REV3L: variants seen among roughly 807,000 people sequenced by gnomAD.
REV3L encodes the protein DNA polymerase zeta catalytic subunit.
A neutral mutation model predicts 299.4 loss-of-function variants in REV3L; 69 were observed. That is an observed-to-expected ratio of 0.23 (90% confidence interval 0.19 to 0.28). The LOEUF (loss-of-function observed/expected upper bound fraction) is 0.28, where lower values mean the gene tolerates loss of function less well. REV3L is among the 10% of genes least tolerant of loss of function. The pLI is 1.00. For synonymous variants in REV3L, 1,238 were observed against 1,271.4 expected, an observed-to-expected ratio of 0.97 and a Z score of 0.56; for missense variants, 3,128 against 3,693.8, an observed-to-expected ratio of 0.85 and a Z score of 3.97.
At chr6:111,385,451 G>A (rs1442377559) in intron 9 of REV3L, among the ~76,000 whole-genome samples, 3 of 151,982 alleles carry the variant, frequency 2.0e-5, no homozygotes, top group Non-Finnish European at 4.4e-5. Context: ...AGACCTAAAT[G>A]TGAAAAACCA....
Position 111,335,626 on chromosome 6 carries a change from C to T in REV3L, c.7539-16G>A. On this transcript the variant is annotated splice_polypyrimidine_tract_variant and intron_variant, in intron 21 of 31. Transcript: ENST00000368802. ...CATTTTCCATCTGTTAAAAAAGAAT[C>T]CACATTATGAACATCAGGGAAAAAT... The T allele has an allele frequency of 6.3e-7, 1 of 1,598,368 alleles. No homozygotes were observed. The highest frequency in any genetic ancestry group is 8.5e-7 in the Non-Finnish European group (1 of 1,173,726).
intron 5 of REV3L, 75 bp downstream of exon 5, chr6:111,392,801 T>C: frequency 1.1e-6 from 1 of 925,872 alleles, no homozygotes; most frequent in Non-Finnish European, 1.7e-6. Flanking sequence ...TAAAATTTAA[T>C]TATGGTAACC....
chr6:111,304,322 G>A (rs1201422997), intron 31 of REV3L, among the ~76,000 whole-genome samples: 3 of 148,224 alleles, frequency 2.0e-5, no homozygotes, highest in African/African-American at 7.5e-5. Context: ...TTGGTACTGG[G>A]TTACAGAGTT....
At chr6:111,412,269 T>C (rs1474458570) in intron 2 of REV3L, 40 of 985,142 alleles carry the variant, frequency 4.1e-5, no homozygotes, top group Non-Finnish European at 4.8e-5. Context: ...AATCATGTTA[T>C]GGCTGAGTTT....
At position 111,387,883 on chromosome 6, in the gene REV3L, A is replaced by G. The variant is rs1280010848; in HGVS notation, c.978T>C (p.Asp326=). 6.2e-7 allele frequency: 1 copy of G among 1,613,910 alleles called. No individual in the cohort carries two copies. Among genetic ancestry groups the G allele is most frequent in the Non-Finnish European group, 8.5e-7 (1 of 1,179,930 alleles). The change falls in exon 9 of 32, where the codon GAT becomes GAC. Residue 326 remains aspartate (D), a synonymous_variant. Coordinates refer to ENST00000368802, the MANE Select transcript of REV3L (RefSeq NM_001372078.1). ...ACTCAGCAGAGAACTCCTGGGATCCATCGCTGTAGTCCACAGATCCTGATA... is the reference window on the plus strand; with the variant it reads ...ACTCAGCAGAGAACTCCTGGGATCCGTCGCTGTAGTCCACAGATCCTGATA... ...VTLSGSVDYS[D]GSQEFSAELT... is the part of the protein sequence containing the mutation.
rs1235600826 is a variant in REV3L, at chr6:111,349,060, T to C, written c.7419+158A>G. 22 of 499,918 alleles carry C rather than the reference T, an allele frequency of 4.4e-5. No individual in the cohort carries two copies. The East Asian group carries it at 7.1e-4, about 16-fold the overall frequency. 31.0% of individuals were successfully genotyped at this position (499,918 alleles called of 1,614,324 possible). Reference sequence around the variant, plus strand: ...TTAAAGTCTATTACCTCTGTAGTTTTGCATTTTAGAAAGTACTATTTTAAC... The same window carrying C: ...TTAAAGTCTATTACCTCTGTAGTTTCGCATTTTAGAAAGTACTATTTTAAC... On this transcript the variant is annotated intron_variant, in intron 20 of 31. Coordinates refer to ENST00000368802, the MANE Select transcript of REV3L (RefSeq NM_001372078.1).
At chr6:111,380,668 G>C (rs1424455718) in intron 10 of REV3L, among the ~76,000 whole-genome samples, 1 of 152,244 alleles carries the variant, frequency 6.6e-6, no homozygotes, top group Non-Finnish European at 1.5e-5. Flanking sequence ...AGGTGTTGAG[G>C]TAGCTCTCCT....
intron 3 of REV3L, among the ~76,000 whole-genome samples, chr6:111,409,345 C>A (rs542698910): frequency 6.8e-6 from 1 of 147,744 alleles, no homozygotes; most frequent in East Asian, 2.0e-4. Flanking sequence ...AATGGATATT[C>A]TAATGTGAAA....
intron 1 of REV3L, among the ~76,000 whole-genome samples, chr6:111,443,012 G>A (rs973542924): frequency 6.6e-6 from 1 of 151,954 alleles, no homozygotes; most frequent in African/African-American, 2.4e-5. Context: ...GTTCTATTGT[G>A]TTTTCATTAA....
At position 111,460,702 on chromosome 6, in the gene REV3L, G is replaced by A. The variant is rs573591489; in HGVS notation, c.139+22048C>T. The stretch of plus-strand genomic sequence containing the variant: ...CAAAGACATGAACAACAGTATAAAC[G>A]GTATAAATGAAAGTAAATACAAAAC... On this transcript the variant is annotated intron_variant, in intron 1 of 31. Coordinates refer to ENST00000368802, the MANE Select transcript of REV3L (RefSeq NM_001372078.1). 1.0e-3 allele frequency among the ~76,000 whole-genome samples: 156 copies of A among 152,100 alleles called. 1 individual carries two copies. The highest frequency in any genetic ancestry group is 3.5e-3 in the African/African-American group (144 of 41,512).
rs369977829 is a variant in REV3L at position 111,313,415 on chromosome 6, G to C, written c.8541C>G (p.Asp2847Glu). Residue 2847 changes from aspartate to glutamate, a missense_variant, in exon 28 of 32, where the codon GAC becomes GAG. Asp to Glu is a conservative substitution (Grantham distance 45). Transcript: ENST00000368802. The part of the protein sequence containing the change: ...GYMYETLDQK[D>E]PVFDAKGIET... ...CTATTCCTTTTGCATCAAATACTGG[G>C]TCCTTCTGATCCAGTGTTTCATACA... 4 of 1,612,202 alleles carry C rather than the reference G, an allele frequency of 2.5e-6. No individual in the cohort carries two copies. Among genetic ancestry groups the C allele is most frequent in the Non-Finnish European group, 3.4e-6 (4 of 1,178,972 alleles).
intron 1 of REV3L, among the ~76,000 whole-genome samples, chr6:111,465,756 A>ACAAAC (rs199912630): frequency 6.8e-6 from 1 of 146,996 alleles, no homozygotes; most frequent in Non-Finnish European, 1.5e-5. Context: ...AAAAAAAAAA[A>ACAAAC]AAAAAAAAAA....
At position 111,299,678 on chromosome 6, in the gene REV3L, TTTC is replaced by T. The variant is rs1269996062; in HGVS notation, c.*335_*337del. On this transcript the variant is annotated 3_prime_UTR_variant, in exon 32 of 32. Transcript: ENST00000368802. ...GTTCAAGGAAAACACACAAATGCTT[TTTC>T]TTTAAGAGGTTTTCAGTGCTCCTTC... 2 of 165,902 alleles carry T rather than the reference TTTC, an allele frequency of 1.2e-5. No homozygotes were observed. The highest frequency in any genetic ancestry group is 4.8e-5 in the African/African-American group (2 of 42,006). The allele number at this position is 165,902 out of a possible 1,614,324, so 10.3% of individuals were successfully genotyped here. A position where few individuals can be genotyped will look rare whatever the true frequency, so the allele number is the denominator to read the frequency against.
chr6:111,457,329 A>G (rs985075051), intron 1 of REV3L, among the ~76,000 whole-genome samples: 1 of 152,058 alleles, frequency 6.6e-6, no homozygotes. Flanking sequence ...GAAAAATAAG[A>G]AAATATTTTG....
chr6:111,450,309 C>A (rs183925272), intron 1 of REV3L, among the ~76,000 whole-genome samples: 1 of 151,390 alleles, frequency 6.6e-6, no homozygotes, highest in Non-Finnish European at 1.5e-5. Flanking sequence ...TGAGACCCTA[C>A]CTCTACTAAA....
chr6:111,461,025 T>C (rs952082158), intron 1 of REV3L, among the ~76,000 whole-genome samples: 2 of 152,170 alleles, frequency 1.3e-5, no homozygotes, highest in Non-Finnish European at 2.9e-5. Flanking sequence ...TACTTGATCA[T>C]GGTAACAGTT....
At chr6:111,305,972 T>C (rs1049417163) in intron 31 of REV3L, among the ~76,000 whole-genome samples, 1 of 152,174 alleles carries the variant, frequency 6.6e-6, no homozygotes, top group African/African-American at 2.4e-5. Flanking sequence ...TCCAGTGATA[T>C]ATTCCTTCTT....
At chr6:111,330,863 A>G in intron 24 of REV3L, 1 of 449,704 alleles carries the variant, frequency 2.2e-6, no homozygotes, top group African/African-American at 2.1e-5. Flanking sequence ...AAATTTTCCA[A>G]AAAGAAACAT....
At chr6:111,406,008 G>T (rs1783578840) in intron 3 of REV3L, among the ~76,000 whole-genome samples, 1 of 152,134 alleles carries the variant, frequency 6.6e-6, no homozygotes, top group African/African-American at 2.4e-5. Flanking sequence ...CAGAGGTATT[G>T]CCATTTTGAT....
Sources: allele counts gnomAD v4.1 joint callset (sites outside exome capture counted in the v4.1 genomes callset), GRCh38; gene constraint gnomAD v4.1.1; transcripts MANE v1.5; gene names NCBI Gene and HGNC (gene_info 2026-07-23, HGNC 2026-07-21).